Variants in CSMD1 observed in about 807,000 individuals in gnomAD.
The protein encoded by CSMD1 is CUB and Sushi multiple domains 1.
Under a neutral mutation model 417.5 loss-of-function variants are expected in CSMD1, and 213 were observed. That is an observed-to-expected ratio of 0.51 (90% CI 0.46 to 0.57). The LOEUF is 0.57. CSMD1 is among the 20% of genes least tolerant of loss of function. The pLI, the probability that CSMD1 is intolerant of heterozygous loss-of-function variation, is 0.00. For missense variants in CSMD1, 6,923 were observed against 4,529.7 expected (o/e 1.53, Z -15.17); for synonymous variants, 2,862 against 1,736.8 (o/e 1.65, Z -16.11).
intron 55 of CSMD1, among the ~76,000 whole-genome samples, chr8:2,976,642 C>T (rs141377114): frequency 4.6e-5 from 7 of 152,196 alleles, no homozygotes; most frequent in Non-Finnish European, 8.8e-5. Context: ...AGTCACGGCA[C>T]CTGGCCTCCA....
chr8:3,405,167 A>G (rs1181365366), intron 15 of CSMD1, among the ~76,000 whole-genome samples: 2 of 152,202 alleles, frequency 1.3e-5, no homozygotes, highest in Non-Finnish European at 2.9e-5. Flanking sequence ...AACAAGATAG[A>G]CAAAAATGAT....
rs145701146 is a variant in CSMD1, at chr8:4,358,102, T to A, written c.415+61851A>T. Among the ~76,000 whole-genome samples the A allele has an allele frequency of 3.0e-3, 464 of 152,316 alleles. 3 individuals are homozygous for A. Among genetic ancestry groups the A allele is most frequent in the African/African-American group, 0.01 (420 of 41,562 alleles). ...TATATATGTATACATACATATGCTA[T>A]GATCAGCCAATTTAATTTATTCTCA... On this transcript the variant is annotated intron_variant, in intron 3 of 69. Transcript: ENST00000635120.
At chr8:4,043,801 C>G (rs879749659) in intron 3 of CSMD1, among the ~76,000 whole-genome samples, 8 of 152,078 alleles carry the variant, frequency 5.3e-5, no homozygotes, top group African/African-American at 1.9e-4. Flanking sequence ...GTATTTCAAA[C>G]CTTACACGTC....
At chr8:4,444,346 C>CAAAAAAAAAAAAAAAAAAAAAAAAAAAAA (rs112028005) in intron 2 of CSMD1, among the ~76,000 whole-genome samples, 1 of 46,278 alleles carries the variant, frequency 2.2e-5, no homozygotes, top group African/African-American at 7.1e-5. Flanking sequence ...GACTCCATCT[C>CAAAAAAAAAAAAAAAAAAAAAAAAAAAAA]AAAAAAAAAA....
chr8:4,319,701 G>A (rs1290876694), intron 3 of CSMD1, among the ~76,000 whole-genome samples: 1 of 152,066 alleles, frequency 6.6e-6, no homozygotes, highest in East Asian at 1.9e-4. Context: ...AGCAGAATTT[G>A]GCAGTTCTTG....
intron 3 of CSMD1, among the ~76,000 whole-genome samples, chr8:4,334,911 A>G (rs1482673163): frequency 6.6e-6 from 1 of 152,062 alleles, no homozygotes; most frequent in Non-Finnish European, 1.5e-5. Flanking sequence ...GTGAGGACCC[A>G]CTTTCTACCC....
intron 23 of CSMD1, among the ~76,000 whole-genome samples, chr8:3,321,281 C>A (rs1806137198): frequency 6.6e-6 from 1 of 152,238 alleles, no homozygotes; most frequent in South Asian, 2.1e-4. Context: ...TGGTCCCAGT[C>A]TTCTAAGGAT....
At chr8:3,954,569 G>A (rs935982882) in intron 5 of CSMD1, among the ~76,000 whole-genome samples, 16 of 152,134 alleles carry the variant, frequency 1.1e-4, no homozygotes, top group East Asian at 3.9e-4. Flanking sequence ...GGGTTTCACC[G>A]TGTTGCTCAG....
At chr8:4,903,023 A>G (rs1339512108) in intron 1 of CSMD1, among the ~76,000 whole-genome samples, 3 of 145,508 alleles carry the variant, frequency 2.1e-5, no homozygotes, top group Admixed American at 6.9e-5. Context: ...AAATAAATAA[A>G]TAAATAAATA....
At chr8:4,347,343 C>T (rs966538856) in intron 3 of CSMD1, among the ~76,000 whole-genome samples, 1 of 152,146 alleles carries the variant, frequency 6.6e-6, no homozygotes, top group Non-Finnish European at 1.5e-5. Context: ...GACAAAACTA[C>T]ATAATATAAT....
At chr8:3,983,385 C>T (rs915888396) in intron 5 of CSMD1, among the ~76,000 whole-genome samples, 12 of 152,054 alleles carry the variant, frequency 7.9e-5, no homozygotes, top group African/African-American at 2.9e-4. Context: ...CTTTCTTGCC[C>T]TCCCAAATTG....
intron 24 of CSMD1, 26 bp from the exon 25 acceptor site, chr8:3,307,847 A>ACGTTCAGCTTC (rs1489667722): frequency 2.5e-6 from 4 of 1,605,298 alleles, no homozygotes; most frequent in Non-Finnish European, 3.4e-6. Flanking sequence ...AGAGATGGGA[A>ACGTTCAGCTTC]CGTTCAGCTT....
At position 3,742,649 on chromosome 8, in the gene CSMD1, C is replaced by T. The variant is rs556917945; in HGVS notation, c.931+11281G>A. Among the ~76,000 whole-genome samples the T allele has an allele frequency of 5.9e-5, 9 of 151,986 alleles. No individual in the cohort carries two copies. In the South Asian group the frequency reaches 6.2e-4, roughly 11 times the overall value. ...TTTTCCTTCTGCTCGTCCTGAAGGA[C>T]GTCTCTCCCATACACCTACACTCAG... On this transcript the variant is annotated intron_variant, in intron 6 of 69. Transcript: ENST00000635120.
intron 5 of CSMD1, among the ~76,000 whole-genome samples, chr8:3,967,560 A>G (rs1812766879): frequency 6.6e-6 from 1 of 152,194 alleles, no homozygotes. Context: ...TGAGTTCAGC[A>G]AATATCACCA....
At chr8:4,402,857 G>C (rs925766219) in intron 3 of CSMD1, among the ~76,000 whole-genome samples, 2 of 110,550 alleles carry the variant, frequency 1.8e-5, no homozygotes, top group Non-Finnish European at 3.4e-5. Context: ...GCCTTGCTCT[G>C]TTGCCAGGCT....
intron 26 of CSMD1, among the ~76,000 whole-genome samples, chr8:3,248,462 G>A (rs1363101412): frequency 6.6e-6 from 1 of 150,548 alleles, no homozygotes; most frequent in African/African-American, 2.4e-5. Flanking sequence ...CAGACAACAG[G>A]GAAAATCCAG....
chr8:3,299,201 C>G (rs955712743), intron 25 of CSMD1, among the ~76,000 whole-genome samples: 6 of 152,078 alleles, frequency 3.9e-5, no homozygotes, highest in East Asian at 1.9e-4. Flanking sequence ...CCTGTAATCC[C>G]AGTATTTTGG....
Position 2,942,572 on chromosome 8 carries a change from G to A in CSMD1, c.10435C>T (p.His3479Tyr). ...PLNPDQDSSS[H>Y]YHGTSSGSVA... ...GAGCCACTGCTGGTGCCGTGGTAAT[G>A]ACTGGAAGAGTCTTGATCTGGGTTT... Residue 3479 changes from histidine (H) to tyrosine (Y), a missense_variant, in exon 69 of 70, where the codon CAT becomes TAT. His to Tyr is a moderately conservative substitution (Grantham distance 83, BLOSUM62 2). Coordinates refer to ENST00000635120, the MANE Select transcript of CSMD1 (RefSeq NM_033225.6). 1 of 1,602,506 alleles carries A rather than the reference G, an allele frequency of 6.2e-7. No homozygotes were observed.
intron 3 of CSMD1, among the ~76,000 whole-genome samples, chr8:4,104,117 A>G (rs549611354): frequency 3.7e-4 from 56 of 152,354 alleles, no homozygotes; most frequent in African/African-American, 1.2e-3. Flanking sequence ...GTCCCACAGA[A>G]GCAGAGTGTT....
Sources: allele counts gnomAD v4.1 joint callset (sites outside exome capture counted in the v4.1 genomes callset), GRCh38; gene constraint gnomAD v4.1.1; transcripts MANE v1.5; gene names NCBI Gene and HGNC (gene_info 2026-07-23, HGNC 2026-07-21).